Variants in POLQ observed in about 807,000 individuals in gnomAD.
POLQ encodes epididymis secretory sperm binding protein.
A neutral mutation model predicts 259.2 loss-of-function variants in POLQ; 233 were observed. The ratio of observed to expected loss-of-function variants is 0.90; its 90% CI spans 0.81 to 1.00. The LOEUF is 1.00. POLQ is among the 50% of genes least tolerant of loss of function. The probability of loss-of-function intolerance (pLI) is 0.00; values close to 1 mark genes in which losing one functional copy is unlikely to be tolerated. For synonymous variants in POLQ, 1,025 were observed against 1,048.8 expected (o/e 0.98, Z 0.44); for missense variants, 2,871 against 3,051.6 (o/e 0.94, Z 1.39).
chr3:121,499,425 T>A (rs1304843326), intron 12 of POLQ, among the ~76,000 whole-genome samples: 1 of 152,146 alleles, frequency 6.6e-6, no homozygotes, highest in African/African-American at 2.4e-5. Flanking sequence ...GCCTAATTTT[T>A]AAATTTTTTT....
intron 16 of POLQ, 21 bp downstream of exon 16, chr3:121,487,276 AAAAAT>A: frequency 7.5e-7 from 1 of 1,340,764 alleles, no homozygotes; most frequent in Non-Finnish European, 1.0e-6. Context: ...ATAAATATGA[AAAAAT>A]AAAATTAAAA....
chr3:121,509,725 G>T (rs775636053), intron 11 of POLQ, 22 bp from the exon 12 acceptor site: 4 of 1,591,554 alleles, frequency 2.5e-6, no homozygotes, highest in East Asian at 2.2e-5. Context: ...TTAGGGTGAG[G>T]AAACAGAGGA....
rs2047972806 is a variant in POLQ, at chr3:121,481,708, G to A, written c.6075C>T (p.Thr2025=). 13 of 1,614,070 alleles carry A rather than the reference G, an allele frequency of 8.1e-6. No homozygotes were observed. The highest frequency in any genetic ancestry group is 1.1e-5 in the Non-Finnish European group (13 of 1,179,982). ...GCCCCAGGCTTTGAATCCCTTGGCT[G>A]GTCTCCATCCCTTCTAGGAGTGGAA... ...HELPLLEGME[T]SQGIQSLGLN... The change falls in exon 19 of 30, where the codon ACC becomes ACT. Residue 2025 remains threonine, a synonymous_variant. Transcript: ENST00000264233.
At chr3:121,465,386 C>T (rs1352877797) in intron 24 of POLQ, among the ~76,000 whole-genome samples, 1 of 152,154 alleles carries the variant, frequency 6.6e-6, no homozygotes, top group African/African-American at 2.4e-5. Flanking sequence ...GCCACCATGC[C>T]TTGTGAGAAA....
intron 25 of POLQ, among the ~76,000 whole-genome samples, chr3:121,456,722 G>T (rs1427386208): frequency 1.3e-5 from 2 of 151,682 alleles, no homozygotes; most frequent in African/African-American, 2.4e-5. Flanking sequence ...CACTGCTCAA[G>T]GAAATAAAAG....
intron 12 of POLQ, among the ~76,000 whole-genome samples, chr3:121,507,721 T>C (rs2048220346): frequency 6.6e-6 from 1 of 152,140 alleles, no homozygotes; most frequent in African/African-American, 2.4e-5. Context: ...AGTGAGACTC[T>C]ACTCAAAAAA....
intron 24 of POLQ, among the ~76,000 whole-genome samples, chr3:121,462,356 T>C (rs1319282421): frequency 2.0e-5 from 3 of 152,052 alleles, no homozygotes; most frequent in Non-Finnish European, 4.4e-5. Flanking sequence ...CACACAAAGG[T>C]CTCAGGGATC....
chr3:121,494,878 G>A, intron 14 of POLQ: 2 of 1,582,618 alleles, frequency 1.3e-6, no homozygotes, highest in Non-Finnish European at 8.6e-7. Context: ...AAAAGGCAAA[G>A]GCTAAAGAAC....
intron 22 of POLQ, among the ~76,000 whole-genome samples, chr3:121,470,259 A>AAAAT (rs528940289): frequency 2.4e-4 from 37 of 152,268 alleles, no homozygotes; most frequent in South Asian, 6.2e-4. Flanking sequence ...CTCTGTCTCA[A>AAAAT]AAATAAATAA....
chr3:121,453,764 C>G (rs572014998), intron 25 of POLQ, among the ~76,000 whole-genome samples: 1 of 152,066 alleles, frequency 6.6e-6, no homozygotes, highest in Non-Finnish European at 1.5e-5. Flanking sequence ...ACTGGTGTAT[C>G]TGAAAGTGAC....
At chr3:121,497,072 A>G in intron 13 of POLQ, 140 bp from the exon 14 acceptor site, 1 of 872,170 alleles carries the variant, frequency 1.1e-6, no homozygotes. Flanking sequence ...AATAGAAAAT[A>G]GGATTACTGG....
In POLQ at chr3:121,488,000, C is replaced by T; in HGVS notation, c.4931G>A (p.Arg1644Lys). 6.2e-7 allele frequency: 1 copy of T among 1,612,904 alleles called. No individual in the cohort carries two copies. The highest frequency in any genetic ancestry group is 1.3e-5 in the African/African-American group (1 of 74,948). ...AGGACTGGATACTTTATCTAAAATCCTTTGCAGTCCTGGACTTAGATCAAA... is the reference window on the plus strand; with the variant it reads ...AGGACTGGATACTTTATCTAAAATCTTTTGCAGTCCTGGACTTAGATCAAA... ...ASFDLSPGLQ[R>K]ILDKVSSPLE... Residue 1644 changes from arginine to lysine, a missense_variant, in exon 16 of 30, where the codon AGG becomes AAG. Physicochemically the swap from Arg to Lys is conservative, Grantham distance 26. Around this residue, in one of 3 missense-constraint regions of POLQ, gnomAD observed 2,080 missense variants for 2,126.0 expected, o/e 0.98. Transcript: ENST00000264233.
intron 25 of POLQ, among the ~76,000 whole-genome samples, chr3:121,452,358 C>T (rs1424661988): frequency 6.6e-6 from 1 of 152,188 alleles, no homozygotes; most frequent in African/African-American, 2.4e-5. Flanking sequence ...CTGTCTTCTG[C>T]ATAGCTTACG....
At chr3:121,529,608 C>T (rs1560107904) in intron 7 of POLQ, 37 bp downstream of exon 7, 6 of 1,592,968 alleles carry the variant, frequency 3.8e-6, no homozygotes, top group East Asian at 2.2e-5. Context: ...AGCAAATGTA[C>T]TAAGCATGAA....
intron 6 of POLQ, 36 bp downstream of exon 6, chr3:121,532,954 G>C (rs746417964): frequency 7.8e-7 from 1 of 1,278,884 alleles, no homozygotes; most frequent in Admixed American, 2.1e-5. Flanking sequence ...CAAACACACA[G>C]ATAAAAATAG....
In POLQ at chr3:121,485,082, T is replaced by A; in HGVS notation, c.5732A>T (p.Asp1911Val). The part of the protein sequence containing the change: ...VGLAVCWGGR[D>V]AYYFSLQKEQ... ...CTTCTGCAGTGAAAAATAATAGGCATCCCTTCCACCCCAGCATACTGCCAG... is the reference window on the plus strand; with the variant it reads ...CTTCTGCAGTGAAAAATAATAGGCAACCCTTCCACCCCAGCATACTGCCAG... Residue 1911 changes from aspartate to valine, a missense_variant, in exon 17 of 30, where the codon GAT becomes GTT. Physicochemically the swap from Asp to Val is radical, Grantham distance 152 (BLOSUM62 -3). Transcript: ENST00000264233. 1.2e-6 allele frequency: 2 copies of A among 1,612,850 alleles called. No homozygotes were observed. The highest frequency in any genetic ancestry group is 1.3e-5 in the African/African-American group (1 of 74,972).
chr3:121,530,542 GC>G (rs1283932106), intron 6 of POLQ, among the ~76,000 whole-genome samples: 2 of 152,062 alleles, frequency 1.3e-5, no homozygotes, highest in Non-Finnish European at 2.9e-5. Context: ...GTGTTTTGAG[GC>G]CTCATATTTG....
chr3:121,442,952 C>T (rs914526026), intron 26 of POLQ, among the ~76,000 whole-genome samples: 6 of 152,048 alleles, frequency 3.9e-5, no homozygotes, highest in East Asian at 3.9e-4. Flanking sequence ...CTCTGCCTCC[C>T]GGTTCAAGCA....
chr3:121,496,365 TG>T (rs1157046457), intron 14 of POLQ, among the ~76,000 whole-genome samples: 3 of 151,826 alleles, frequency 2.0e-5, no homozygotes, highest in Non-Finnish European at 4.4e-5. Context: ...TCAGTAGAGA[TG>T]GGGTTTCACC....
Sources: allele counts gnomAD v4.1 joint callset (sites outside exome capture counted in the v4.1 genomes callset), GRCh38; gene constraint gnomAD v4.1.1; regional missense constraint gnomAD v4.1.1; transcripts MANE v1.5; gene names NCBI Gene and HGNC (gene_info 2026-07-23, HGNC 2026-07-21).